The following ANO7 variants were observed in gnomAD, a reference collection of about 807,000 sequenced individuals.
ANO7 encodes the protein anoctamin 7.
Under a neutral mutation model 115.8 loss-of-function variants are expected in ANO7, and 114 were observed. The ratio of observed to expected loss-of-function variants is 0.98; its 90% CI spans 0.85 to 1.15. The LOEUF (loss-of-function observed/expected upper bound fraction) is 1.15, where lower values mean the gene tolerates loss of function less well. Ranked by LOEUF, ANO7 falls within the 50% of genes most tolerant of loss-of-function variation. The probability of loss-of-function intolerance (pLI) is 0.00; values close to 1 mark genes in which losing one functional copy is unlikely to be tolerated. For missense variants in ANO7, 1,302 were observed against 1,201.2 expected (o/e 1.08, Z -1.24); for synonymous variants, 550 against 498.2 (o/e 1.10, Z -1.38).
rs2074839 is a variant in ANO7, at chr2:241,200,464, C to T, written c.554+239C>T. Among the ~76,000 whole-genome samples, 7,103 of 152,312 alleles carry T rather than the reference C, an allele frequency of 0.047. 398 individuals carry two copies. Among genetic ancestry groups the T allele is most frequent in the African/African-American group, 0.12 (5,005 of 41,562 alleles). On this transcript the variant is annotated intron_variant, in intron 6 of 24. Coordinates refer to ENST00000674324, the MANE Select transcript of ANO7 (RefSeq NM_001370694.2). ...CCCCCCAAGGCCCAGTGGCTGGACA[C>T]GCGAGGTCTAGTTCCTGCTCAGGCA...
At chr2:241,194,179 A>ATTTTTTTTTTTTT (rs59855055) in intron 3 of ANO7, among the ~76,000 whole-genome samples, 2 of 124,002 alleles carry the variant, frequency 1.6e-5, no homozygotes, top group Non-Finnish European at 1.8e-5. Flanking sequence ...CTGGCCTTTA[A>ATTTTTTTTTTTTT]TTTTTTTTTT....
chr2:241,209,601 G>T lies in ANO7; in HGVS notation c.1325G>T (p.Arg442Leu), dbSNP rs201707610. The change falls in exon 13 of 25, where the codon CGC (arginine) becomes CTC (leucine). Residue 442 changes from arginine (R) to leucine (L), a missense_variant. Physicochemically the swap from Arg to Leu is moderately radical, Grantham distance 102. Coordinates refer to ENST00000674324, the MANE Select transcript of ANO7 (RefSeq NM_001370694.2). ...PYFPERSRARRMLAGSVVIVV... is the reference protein window; with the variant it reads ...PYFPERSRARLMLAGSVVIVV... ...TTCCCTGAGAGGAGCCGCGCGCGCC[G>T]CATGCTGGCCGGCTCTGTGGTGATC... The T allele has an allele frequency of 3.8e-6, 6 of 1,593,814 alleles. 1 individual carries two copies. The South Asian group carries it at 4.5e-5, about 12-fold the overall frequency.
chr2:241,210,529 C>T lies in ANO7; in HGVS notation c.1520C>T (p.Ser507Phe), dbSNP rs959499644. The T allele has an allele frequency of 3.1e-6, 5 of 1,613,912 alleles. No homozygotes were observed. Among genetic ancestry groups the T allele is most frequent in the Non-Finnish European group, 4.2e-6 (5 of 1,180,014 alleles). The change falls in exon 15 of 25, where the codon TCC (serine) becomes TTC (phenylalanine). Residue 507 changes from serine (S) to phenylalanine (F), a missense_variant. Transcript: ENST00000674324. ...VVNLVFILIL[S>F]KIYVSLAHVL... Reference sequence around the variant, plus strand: ...AACCTCGTCTTCATCCTCATCCTCTCCAAGATCTATGTATCCCTGGCCCAC... The same window carrying T: ...AACCTCGTCTTCATCCTCATCCTCTTCAAGATCTATGTATCCCTGGCCCAC...
At chr2:241,214,083 G>A (rs1333429054) in intron 17 of ANO7, among the ~76,000 whole-genome samples, 1 of 152,174 alleles carries the variant, frequency 6.6e-6, no homozygotes, top group Non-Finnish European at 1.5e-5. Flanking sequence ...TCAGGAGTTC[G>A]AGAATAGCCT....
chr2:241,229,784 G>GGGCCCCCC, downstream of ANO7: 3 of 1,502,530 alleles, frequency 2.0e-6, no homozygotes, highest in Non-Finnish European at 2.7e-6. Flanking sequence ...AAGCCCGCCT[G>GGGCCCCCC]CCCGCCCACC....
At chr2:241,221,900 G>A (rs7583110) in intron 21 of ANO7, among the ~76,000 whole-genome samples, 9,471 of 151,960 alleles carry the variant, frequency 0.062, 378 homozygotes, top group Middle Eastern at 0.13. Context: ...GGCTAGTTTC[G>A]AACTCCTGAC....
chr2:241,229,644 G>A (rs754247789), downstream of ANO7: 1 of 1,614,128 alleles, frequency 6.2e-7, no homozygotes, highest in East Asian at 2.2e-5. Flanking sequence ...AGCCACCTGA[G>A]CCCCAAAGCT....
intron 23 of ANO7, 48 bp downstream of exon 23, chr2:241,223,829 T>A: frequency 6.2e-7 from 1 of 1,613,896 alleles, no homozygotes; most frequent in Non-Finnish European, 8.5e-7. Flanking sequence ...CCTCTCCCTA[T>A]CCTTGTCAGT....
At chr2:241,235,228 G>A in the ANO7 span, 7 of 1,614,228 alleles carry the variant, frequency 4.3e-6, no homozygotes, top group Admixed American at 8.3e-5. Context: ...TCAGACTGCA[G>A]CTCAGGTGCC....
At chr2:241,235,858 G>A in the ANO7 span, among the ~76,000 whole-genome samples, 4 of 152,192 alleles carry the variant, frequency 2.6e-5, no homozygotes, top group African/African-American at 4.8e-5. Context: ...TCAGGCCCAC[G>A]TAGGAGGAGA....
chr2:241,236,642 C>G, the ANO7 span: 1 of 1,614,152 alleles, frequency 6.2e-7, no homozygotes, highest in Non-Finnish European at 8.5e-7. Context: ...CAGCCTCACA[C>G]TTTTCTTTCC....
chr2:241,235,179 C>T, the ANO7 span: 3 of 1,614,156 alleles, frequency 1.9e-6, no homozygotes, highest in Admixed American at 1.7e-5. Context: ...AGCCTTGGCC[C>T]GGTCCAAATT....
Position 241,223,276 on chromosome 2 carries a change from G to C in ANO7, c.2412G>C (p.Glu804Asp). Residue 804 changes from glutamate to aspartate, a missense_variant and splice_region_variant, in exon 22 of 25, where the codon GAG becomes GAC. Transcript: ENST00000674324. ...GCCTGGCCTTCGTCATTGTGTTTGA[G>C]GTAGCCGAGGCACCTGCTGGTTCTC... ...AIRLAFVIVF[E>D]HVVFSVGRLL... 6.2e-7 allele frequency: 1 copy of C among 1,614,234 alleles called. No homozygotes were observed.
In ANO7 at chr2:241,209,485, G is replaced by T. The variant is rs754467687; in HGVS notation, c.1222-13G>T. ...CCGGCGAGGGCCGCCACTGAGCACCGGCTCCCTTCCAGGAGAGGCCTCGGC... is the reference window on the plus strand; with the variant it reads ...CCGGCGAGGGCCGCCACTGAGCACCTGCTCCCTTCCAGGAGAGGCCTCGGC... On this transcript the variant is annotated splice_polypyrimidine_tract_variant and intron_variant, in intron 12 of 24. Coordinates refer to ENST00000674324, the MANE Select transcript of ANO7 (RefSeq NM_001370694.2). 7 of 1,598,534 alleles carry T rather than the reference G, an allele frequency of 4.4e-6. No homozygotes were observed. In the South Asian group the frequency reaches 6.7e-5, roughly 15 times the overall value.
chr2:241,196,366 G>C (rs1010800450), intron 4 of ANO7, among the ~76,000 whole-genome samples: 1 of 152,136 alleles, frequency 6.6e-6, no homozygotes, highest in Non-Finnish European at 1.5e-5. Context: ...GCTTGGGGCA[G>C]CTGGGGATTG....
chr2:241,190,958 C>T (rs1374514077), intron 2 of ANO7, among the ~76,000 whole-genome samples: 1 of 152,238 alleles, frequency 6.6e-6, no homozygotes, highest in Non-Finnish European at 1.5e-5. Context: ...TGGTGGTGCC[C>T]TCTGGCCCTG....
At chr2:241,205,917 C>T (rs71351105) in intron 10 of ANO7, among the ~76,000 whole-genome samples, 3 of 42,548 alleles carry the variant, frequency 7.1e-5, no homozygotes, top group African/African-American at 2.3e-4. Context: ...TGCTCCCAGG[C>T]TGACATAGGT....
At position 241,209,619 on chromosome 2, in the gene ANO7, T is replaced by C. The variant is rs1290798946; in HGVS notation, c.1343T>C (p.Val448Ala). Residue 448 changes from valine (V) to alanine (A), a missense_variant, in exon 13 of 25, where the codon GTG (valine) becomes GCG (alanine). Transcript: ENST00000674324. ...GCGCGCCGCATGCTGGCCGGCTCTG[T>C]GGTGATCGTGGTGATGGTATGCGGT... ...SRARRMLAGS[V>A]VIVVMVAVVV... The C allele has an allele frequency of 6.4e-7, 1 of 1,564,640 alleles. No homozygotes were observed. The highest frequency in any genetic ancestry group is 2.2e-5 in the East Asian group (1 of 44,472).
intron 21 of ANO7, among the ~76,000 whole-genome samples, chr2:241,221,536 A>ATT (rs75387643): frequency 0.01 from 1,461 of 141,094 alleles, 22 homozygotes; most frequent in African/African-American, 0.036. Context: ...CACCCAGATG[A>ATT]TTTTTTTTTT....
Sources: gnomAD v4.1 joint callset for allele counts (sites outside exome capture counted in the v4.1 genomes callset) on GRCh38, gnomAD v4.1.1 for gene constraint, MANE v1.5 for transcripts, NCBI Gene and HGNC (gene_info 2026-07-23, HGNC 2026-07-21) for gene names.